PCDHA13: variants seen among roughly 807,000 people sequenced by gnomAD.
PCDHA13 encodes protocadherin alpha 13.
A neutral mutation model predicts 64.8 loss-of-function variants in PCDHA13; 54 were observed. The observed-to-expected ratio is 0.83, with a 90% CI of 0.67 to 1.04. The LOEUF is 1.04. Ranked by LOEUF, PCDHA13 falls within the 50% of genes least tolerant of loss-of-function variation. The pLI, the probability that PCDHA13 is intolerant of heterozygous loss-of-function variation, is 0.00. For synonymous variants in PCDHA13, 587 were observed against 564.4 expected (o/e 1.04, Z -0.57); for missense variants, 1,248 against 1,254.3 (o/e 0.99, Z 0.08).
chr5:140,921,581 T>C (rs1199851100), intron 1 of PCDHA13, among the ~76,000 whole-genome samples: 1 of 152,210 alleles, frequency 6.6e-6, no homozygotes, highest in Non-Finnish European at 1.5e-5. Flanking sequence ...GAGCTCATAC[T>C]ATATTATGGT....
chr5:140,967,262 C>G (rs1554229356), intron 1 of PCDHA13: 1 of 1,613,522 alleles, frequency 6.2e-7, no homozygotes, highest in African/African-American at 1.3e-5. Flanking sequence ...GCCTGGAGCG[C>G]GCTTTCACAT....
chr5:140,899,259 G>C (rs2067235630), intron 1 of PCDHA13, among the ~76,000 whole-genome samples: 1 of 152,126 alleles, frequency 6.6e-6, no homozygotes, highest in African/African-American at 2.4e-5. Context: ...GGGCATCCCT[G>C]TCTTGTGGCA....
intron 1 of PCDHA13, among the ~76,000 whole-genome samples, chr5:140,885,454 C>T (rs2060601415): frequency 6.6e-6 from 1 of 152,054 alleles, no homozygotes; most frequent in Admixed American, 6.5e-5. Flanking sequence ...TATTATTTAC[C>T]TAATGATGGG....
Position 141,009,916 on chromosome 5 carries a change from G to T in PCDHA13, c.2832G>T (p.Thr944=). The change falls in exon 4 of 4, where the codon ACG becomes ACT. Residue 944 remains threonine, a synonymous_variant. Coordinates refer to ENST00000289272, the MANE Select transcript of PCDHA13 (RefSeq NM_018904.3). ...AGAAAAAAGAGAAAGGGAACAGCAC[G>T]ACTGACAACAGTGACCAGTGAGGTC... ...TQEKKEKGNS[T]TDNSDQ The T allele has an allele frequency of 6.2e-7, 1 of 1,611,502 alleles. No individual in the cohort carries two copies. Among genetic ancestry groups the T allele is most frequent in the South Asian group, 1.1e-5 (1 of 90,550 alleles).
intron 2 of PCDHA13, among the ~76,000 whole-genome samples, chr5:140,981,687 A>ATCATTCAT (rs200213847): frequency 0.01 from 1,586 of 152,088 alleles, 32 homozygotes; most frequent in African/African-American, 0.036. Flanking sequence ...CCTCCCTTCC[A>ATCATTCAT]TCATTCATTC....
chr5:140,922,898 T>A (rs916788135), intron 1 of PCDHA13, among the ~76,000 whole-genome samples: 2 of 152,022 alleles, frequency 1.3e-5, no homozygotes, highest in African/African-American at 4.8e-5. Flanking sequence ...CAAGAAAAAA[T>A]TTTGAGATAC....
At chr5:140,888,321 A>G (rs2061786627) in intron 1 of PCDHA13, among the ~76,000 whole-genome samples, 1 of 152,176 alleles carries the variant, frequency 6.6e-6, no homozygotes, top group Non-Finnish European at 1.5e-5. Flanking sequence ...ATGCCTGGAT[A>G]CATTTTTGGT....
At chr5:140,998,721 C>T (rs987484967) in intron 3 of PCDHA13, among the ~76,000 whole-genome samples, 3 of 152,084 alleles carry the variant, frequency 2.0e-5, no homozygotes, top group Non-Finnish European at 2.9e-5. Context: ...TGCACCACCA[C>T]GCTAGGCTAA....
chr5:140,966,699 C>A, intron 1 of PCDHA13: 1 of 1,361,588 alleles, frequency 7.3e-7, no homozygotes, highest in Non-Finnish European at 9.4e-7. Context: ...GGGGCCCGGG[C>A]GTGGGGCACG....
At chr5:140,969,775 G>A (rs879968185) in intron 1 of PCDHA13, among the ~76,000 whole-genome samples, 9 of 152,174 alleles carry the variant, frequency 5.9e-5, no homozygotes, top group Admixed American at 5.9e-4. Flanking sequence ...GCCTCTAGGG[G>A]CTATCATAGT....
chr5:140,971,019 G>A (rs908442935), intron 1 of PCDHA13, among the ~76,000 whole-genome samples: 2 of 152,174 alleles, frequency 1.3e-5, no homozygotes, highest in African/African-American at 2.4e-5. Flanking sequence ...TCTTTAGATC[G>A]TAGCATTTGA....
intron 1 of PCDHA13, among the ~76,000 whole-genome samples, chr5:140,891,795 A>T (rs2063252569): frequency 6.6e-6 from 1 of 152,178 alleles, no homozygotes; most frequent in South Asian, 2.1e-4. Flanking sequence ...ATTATGAGGG[A>T]TCTGCCCTCA....
intron 1 of PCDHA13, among the ~76,000 whole-genome samples, chr5:140,923,018 T>G (rs1353684633): frequency 6.6e-6 from 1 of 152,224 alleles, no homozygotes; most frequent in African/African-American, 2.4e-5. Flanking sequence ...GACTGCAGTT[T>G]CGGACTCTAT....
chr5:140,960,740 C>T (rs949372581), intron 1 of PCDHA13, among the ~76,000 whole-genome samples: 1 of 151,868 alleles, frequency 6.6e-6, no homozygotes, highest in South Asian at 2.1e-4. Flanking sequence ...GATTTTAGTC[C>T]ATGGCTAAAA....
chr5:140,889,983 T>C (rs1347862441), intron 1 of PCDHA13, among the ~76,000 whole-genome samples: 1 of 152,208 alleles, frequency 6.6e-6, no homozygotes, highest in Non-Finnish European at 1.5e-5. Flanking sequence ...TCTCCAGTTG[T>C]CTTAGCTTTC....
chr5:140,887,496 A>G (rs1351125742), intron 1 of PCDHA13, among the ~76,000 whole-genome samples: 1 of 152,072 alleles, frequency 6.6e-6, no homozygotes, highest in Non-Finnish European at 1.5e-5. Context: ...CATAGTTTCT[A>G]ATAAGATGTT....
At chr5:140,997,456 C>T (rs2097770717) in intron 3 of PCDHA13, among the ~76,000 whole-genome samples, 1 of 152,146 alleles carries the variant, frequency 6.6e-6, no homozygotes, top group African/African-American at 2.4e-5. Context: ...ATACTGAATA[C>T]TGTAGGCAAT....
intron 1 of PCDHA13, among the ~76,000 whole-genome samples, chr5:140,948,234 T>G (rs1011132417): frequency 6.6e-6 from 1 of 151,670 alleles, no homozygotes; most frequent in African/African-American, 2.4e-5. Flanking sequence ...TTAACTTGTA[T>G]TTTAGTAAAT....
At chr5:140,927,226 A>T in intron 1 of PCDHA13, 5 of 1,613,996 alleles carry the variant, frequency 3.1e-6, no homozygotes, top group Non-Finnish European at 4.2e-6. Context: ...CAAGATTCGG[A>T]TTCACGTCCT....
Sources: allele counts gnomAD v4.1 joint callset (sites outside exome capture counted in the v4.1 genomes callset), GRCh38; gene constraint gnomAD v4.1.1; transcripts MANE v1.5; gene names NCBI Gene and HGNC (gene_info 2026-07-23, HGNC 2026-07-21).